GALNTL6: variants seen among roughly 807,000 people sequenced by gnomAD.
GALNTL6 encodes polypeptide N-acetylgalactosaminyltransferase like 6.
A neutral mutation model predicts 73.7 loss-of-function variants in GALNTL6; 46 were observed. The observed-to-expected ratio is 0.62, with a 90% CI of 0.49 to 0.80. The LOEUF (loss-of-function observed/expected upper bound fraction) is 0.80, where lower values mean the gene tolerates loss of function less well. Among genes scored for constraint, GALNTL6 ranks in the 30% least tolerant of loss-of-function variants. The probability of loss-of-function intolerance (pLI) is 0.00; values close to 1 mark genes in which losing one functional copy is unlikely to be tolerated. For missense variants in GALNTL6, 604 were observed against 755.0 expected, an observed-to-expected ratio of 0.80 and a Z score of 2.34; for synonymous variants, 259 against 263.7, an observed-to-expected ratio of 0.98 and a Z score of 0.17.
intron 5 of GALNTL6, among the ~76,000 whole-genome samples, chr4:172,727,642 T>G (rs1378057397): frequency 6.6e-6 from 1 of 152,174 alleles, no homozygotes; most frequent in Non-Finnish European, 1.5e-5. Flanking sequence ...TCATATGTTT[T>G]GAACAAGTAA....
intron 5 of GALNTL6, among the ~76,000 whole-genome samples, chr4:172,360,466 A>G (rs1427570383): frequency 7.0e-6 from 1 of 143,448 alleles, no homozygotes; most frequent in African/African-American, 2.6e-5. Flanking sequence ...GTATTTACAT[A>G]AAAAATGTTA....
intron 2 of GALNTL6, among the ~76,000 whole-genome samples, chr4:172,220,221 C>T (rs139249179): frequency 1.8e-3 from 279 of 151,792 alleles, no homozygotes; most frequent in African/African-American, 6.1e-3. Flanking sequence ...TGACACTCTG[C>T]TTTAGTCACT....
intron 2 of GALNTL6, among the ~76,000 whole-genome samples, chr4:172,187,895 T>G (rs1224542170): frequency 6.6e-6 from 1 of 152,210 alleles, no homozygotes; most frequent in African/African-American, 2.4e-5. Flanking sequence ...TAAAACTCAT[T>G]CTTTATTACC....
chr4:172,747,049 C>G (rs1737154133), intron 5 of GALNTL6, among the ~76,000 whole-genome samples: 1 of 151,604 alleles, frequency 6.6e-6, no homozygotes, highest in African/African-American at 2.4e-5. Context: ...AACAATCTGT[C>G]AAAGAAAAAA....
intron 2 of GALNTL6, among the ~76,000 whole-genome samples, chr4:171,956,606 A>G (rs1345968668): frequency 2.6e-5 from 4 of 152,140 alleles, no homozygotes; most frequent in Non-Finnish European, 5.9e-5. Context: ...TGAATTGTTT[A>G]TGTTAATATT....
At chr4:172,015,969 A>G (rs1579060906) in intron 2 of GALNTL6, among the ~76,000 whole-genome samples, 1 of 52,106 alleles carries the variant, frequency 1.9e-5, no homozygotes, top group Middle Eastern at 0.012. Flanking sequence ...AGGTTACCTG[A>G]TGCTTTTGTC....
intron 8 of GALNTL6, among the ~76,000 whole-genome samples, chr4:172,922,932 G>T (rs1463109086): frequency 6.6e-6 from 1 of 152,168 alleles, no homozygotes; most frequent in Non-Finnish European, 1.5e-5. Flanking sequence ...GCATGAGCAG[G>T]ATGGGGAGAC....
At chr4:171,972,113 T>C (rs1039459886) in intron 2 of GALNTL6, among the ~76,000 whole-genome samples, 1 of 152,194 alleles carries the variant, frequency 6.6e-6, no homozygotes, top group Non-Finnish European at 1.5e-5. Flanking sequence ...TTTGTTAATA[T>C]CCCGTTGTCC....
intron 5 of GALNTL6, among the ~76,000 whole-genome samples, chr4:172,745,111 G>T (rs996035222): frequency 1.3e-5 from 2 of 151,636 alleles, no homozygotes; most frequent in Admixed American, 6.6e-5. Flanking sequence ...TGAGAAAAAA[G>T]AACACCCTTT....
intron 5 of GALNTL6, among the ~76,000 whole-genome samples, chr4:172,740,105 G>GAT (rs1736713915): frequency 6.6e-6 from 1 of 151,740 alleles, no homozygotes; most frequent in African/African-American, 2.4e-5. Flanking sequence ...CTGCTCCCTG[G>GAT]ATATTCCTCC....
intron 5 of GALNTL6, among the ~76,000 whole-genome samples, chr4:172,799,595 T>C (rs1186908193): frequency 6.6e-6 from 1 of 152,174 alleles, no homozygotes; most frequent in Non-Finnish European, 1.5e-5. Context: ...AAAATTTATC[T>C]ATATATACAT....
intron 10 of GALNTL6, among the ~76,000 whole-genome samples, chr4:172,952,669 C>T (rs992893834): frequency 6.6e-6 from 1 of 152,078 alleles, no homozygotes; most frequent in African/African-American, 2.4e-5. Context: ...GTGCACACCA[C>T]GACACTCAGC....
intron 4 of GALNTL6, among the ~76,000 whole-genome samples, chr4:172,332,930 A>G (rs1741181693): frequency 6.6e-6 from 1 of 152,164 alleles, no homozygotes; most frequent in Non-Finnish European, 1.5e-5. Context: ...ACAGTGTACA[A>G]AAGTTGGCTT....
At chr4:172,102,841 A>C (rs926492249) in intron 2 of GALNTL6, among the ~76,000 whole-genome samples, 1 of 152,128 alleles carries the variant, frequency 6.6e-6, no homozygotes, top group Non-Finnish European at 1.5e-5. Context: ...CTGTCATGGG[A>C]ACTTGGAACA....
chr4:171,975,204 A>G (rs568666043), intron 2 of GALNTL6, among the ~76,000 whole-genome samples: 110 of 152,266 alleles, frequency 7.2e-4, no homozygotes, highest in Non-Finnish European at 1.2e-3. Flanking sequence ...CATTTCCTTG[A>G]GGACAAGAGT....
chr4:172,934,067 G>A (rs1748486146), intron 9 of GALNTL6, among the ~76,000 whole-genome samples: 1 of 152,172 alleles, frequency 6.6e-6, no homozygotes, highest in Non-Finnish European at 1.5e-5. Flanking sequence ...CCTGGCATTA[G>A]AATCTGGTTG....
chr4:172,477,356 G>A (rs1461816342), intron 5 of GALNTL6, among the ~76,000 whole-genome samples: 2 of 152,028 alleles, frequency 1.3e-5, no homozygotes, highest in Non-Finnish European at 2.9e-5. Flanking sequence ...ATGTAAGAAG[G>A]AACATTCTAG....
intron 2 of GALNTL6, among the ~76,000 whole-genome samples, chr4:172,150,280 T>C (rs530800726): frequency 2.8e-4 from 43 of 152,362 alleles, no homozygotes; most frequent in African/African-American, 1.0e-3. Context: ...ATAATTATTG[T>C]AGTTATGTGT....
chr4:172,016,163 A>G (rs1448766965), intron 2 of GALNTL6, among the ~76,000 whole-genome samples: 1 of 151,668 alleles, frequency 6.6e-6, no homozygotes, highest in African/African-American at 2.4e-5. Flanking sequence ...ATGTTTTCCA[A>G]ACATTTAGCT....
Sources: gnomAD v4.1 joint callset for allele counts (sites outside exome capture counted in the v4.1 genomes callset) on GRCh38, gnomAD v4.1.1 for gene constraint, MANE v1.5 for transcripts, NCBI Gene and HGNC (gene_info 2026-07-23, HGNC 2026-07-21) for gene names.